The following ANK2 variants were observed in gnomAD, a reference collection of about 807,000 sequenced individuals.
ANK2 encodes the protein ankyrin-2.
A neutral mutation model predicts 360.5 loss-of-function variants in ANK2; 83 were observed. The ratio of observed to expected loss-of-function variants is 0.23; its 90% confidence interval spans 0.19 to 0.28. The LOEUF (loss-of-function observed/expected upper bound fraction) is 0.28. Among genes scored for constraint, ANK2 ranks in the 10% least tolerant of loss-of-function variants. The pLI, the probability that ANK2 is intolerant of heterozygous loss-of-function variation, is 1.00. For missense variants in ANK2, 4,201 were observed against 4,795.7 expected, an observed-to-expected ratio of 0.88 and a Z score of 3.66; for synonymous variants, 1,740 against 1,759.5, an observed-to-expected ratio of 0.99 and a Z score of 0.28.
At chr4:112,974,981 G>A (rs2040874853) in intron 2 of ANK2, among the ~76,000 whole-genome samples, 1 of 152,124 alleles carries the variant, frequency 6.6e-6, no homozygotes, top group African/African-American at 2.4e-5. Context: ...ATTTTCAAAT[G>A]GGTTAACTCT....
At chr4:113,375,724 CAAA>C (rs538542250) in intron 45 of ANK2, among the ~76,000 whole-genome samples, 1 of 102,850 alleles carries the variant, frequency 9.7e-6, no homozygotes, top group Non-Finnish European at 2.0e-5. Flanking sequence ...GAATTCGTCT[CAAA>C]AAAAAAAAAG....
intron 1 of ANK2, among the ~76,000 whole-genome samples, chr4:113,160,697 C>G (rs1282290728): frequency 6.6e-6 from 1 of 152,164 alleles, no homozygotes; most frequent in African/African-American, 2.4e-5. Context: ...AAGTCATGGA[C>G]TATTTCTACC....
chr4:112,766,627 G>A, the ANK2 span, among the ~76,000 whole-genome samples: 5 of 152,172 alleles, frequency 3.3e-5, no homozygotes, highest in African/African-American at 9.6e-5. Flanking sequence ...TCAAGGTGGC[G>A]CCCAGCAGCT....
intron 34 of ANK2, 29 bp downstream of exon 34, chr4:113,343,171 A>AT (rs935114177): frequency 1.2e-6 from 2 of 1,609,984 alleles, no homozygotes; most frequent in South Asian, 1.1e-5. Flanking sequence ...TTTGTGATGC[A>AT]TTTTTTTCAA....
intron 1 of ANK2, among the ~76,000 whole-genome samples, chr4:113,138,320 C>G (rs1231667121): frequency 1.3e-5 from 2 of 152,186 alleles, no homozygotes; most frequent in Non-Finnish European, 1.5e-5. Flanking sequence ...GCACACTCAT[C>G]ATGCTGTTTA....
intron 2 of ANK2, among the ~76,000 whole-genome samples, chr4:112,976,160 G>C (rs1467545111): frequency 6.6e-6 from 1 of 150,978 alleles, no homozygotes; most frequent in Non-Finnish European, 1.5e-5. Context: ...AATTAAAAGA[G>C]TTTATCATAC....
At chr4:113,118,065 C>G (rs978322328) in intron 1 of ANK2, among the ~76,000 whole-genome samples, 1 of 152,108 alleles carries the variant, frequency 6.6e-6, no homozygotes, top group African/African-American at 2.4e-5. Context: ...ATCAAAACAA[C>G]CAAGGTTAAA....
At chr4:113,228,122 T>C (rs1259494048) in intron 4 of ANK2, among the ~76,000 whole-genome samples, 2 of 152,212 alleles carry the variant, frequency 1.3e-5, no homozygotes, top group Non-Finnish European at 2.9e-5. Context: ...TCTTGAATGT[T>C]TGTCTATCAT....
At chr4:113,319,563 T>C (rs562664316) in intron 26 of ANK2, among the ~76,000 whole-genome samples, 1 of 152,048 alleles carries the variant, frequency 6.6e-6, no homozygotes, top group African/African-American at 2.4e-5. Context: ...TAAAATATTC[T>C]TTATTCAGGA....
intron 1 of ANK2, among the ~76,000 whole-genome samples, chr4:112,819,025 T>G (rs1028623405): frequency 3.9e-5 from 6 of 152,190 alleles, no homozygotes; most frequent in African/African-American, 1.4e-4. Flanking sequence ...TATTTTTTAT[T>G]CCTAAAAAGC....
At chr4:112,791,956 T>TTG in the ANK2 span, among the ~76,000 whole-genome samples, 1 of 152,100 alleles carries the variant, frequency 6.6e-6, no homozygotes, top group East Asian at 1.9e-4. Context: ...TACAGATAGA[T>TTG]TGTATGTTAG....
At chr4:112,807,980 AT>A in the ANK2 span, among the ~76,000 whole-genome samples, 7 of 152,256 alleles carry the variant, frequency 4.6e-5, no homozygotes, top group Non-Finnish European at 8.8e-5. Context: ...TTATATAACC[AT>A]TTATGTACAA....
chr4:113,345,342 A>G (rs1046853865), intron 34 of ANK2, among the ~76,000 whole-genome samples: 3 of 152,134 alleles, frequency 2.0e-5, no homozygotes, highest in Non-Finnish European at 4.4e-5. Context: ...TAGGATGAAA[A>G]ACATTCTGGA....
chr4:113,325,530 A>G (rs1202976162), intron 26 of ANK2, among the ~76,000 whole-genome samples: 1 of 152,200 alleles, frequency 6.6e-6, no homozygotes, highest in Non-Finnish European at 1.5e-5. Flanking sequence ...AGGGAAGAGC[A>G]TGGTACTTGC....
At chr4:112,920,440 A>G (rs1359798626) in intron 2 of ANK2, among the ~76,000 whole-genome samples, 1 of 152,188 alleles carries the variant, frequency 6.6e-6, no homozygotes, top group Non-Finnish European at 1.5e-5. Flanking sequence ...GAAATAATAA[A>G]TGTTTCCAAA....
At chr4:113,188,499 C>T (rs1200461862) in intron 2 of ANK2, among the ~76,000 whole-genome samples, 2 of 152,080 alleles carry the variant, frequency 1.3e-5, no homozygotes, top group Admixed American at 1.3e-4. Context: ...ATCTGTGTGC[C>T]TCAGTTTGAG....
the ANK2 span, among the ~76,000 whole-genome samples, chr4:112,720,114 C>T: frequency 1.3e-5 from 2 of 152,158 alleles, no homozygotes; most frequent in African/African-American, 4.8e-5. Context: ...GTTCTTTAAA[C>T]ATTAATGTCA....
chr4:113,213,858 A>G (rs1198376719), intron 4 of ANK2, among the ~76,000 whole-genome samples: 2 of 152,168 alleles, frequency 1.3e-5, no homozygotes, highest in Non-Finnish European at 2.9e-5. Context: ...TTGCGATACT[A>G]TTTGACATTG....
chr4:113,198,745 C>A (rs1020405272), intron 3 of ANK2, among the ~76,000 whole-genome samples: 1 of 151,988 alleles, frequency 6.6e-6, no homozygotes, highest in Non-Finnish European at 1.5e-5. Flanking sequence ...ACACCCCCCA[C>A]AAATTTTTGA....
Sources: allele counts gnomAD v4.1 joint callset (sites outside exome capture counted in the v4.1 genomes callset), GRCh38; gene constraint gnomAD v4.1.1; transcripts MANE v1.5; gene names NCBI Gene and HGNC (gene_info 2026-07-23, HGNC 2026-07-21).